The following SNX29 variants were observed in gnomAD, a reference collection of about 807,000 sequenced individuals.
The protein encoded by SNX29 is sorting nexin 29.
SNX29 carries 78 observed loss-of-function variants against 102.1 expected under a neutral mutation model. The ratio of observed to expected loss-of-function variants is 0.76; its 90% CI spans 0.64 to 0.92. SNX29 has a LOEUF of 0.92. Ranked by LOEUF, SNX29 falls within the 40% of genes least tolerant of loss-of-function variation. The probability of loss-of-function intolerance (pLI) is 0.00; values close to 1 mark genes in which losing one functional copy is unlikely to be tolerated. For synonymous variants in SNX29, 580 were observed against 414.5 expected, an observed-to-expected ratio of 1.40 and a Z score of -4.85; for missense variants, 1,280 against 1,061.7, an observed-to-expected ratio of 1.21 and a Z score of -2.86.
chr16:12,144,128 A>C (rs2054965220), intron 13 of SNX29, among the ~76,000 whole-genome samples: 1 of 152,172 alleles, frequency 6.6e-6, no homozygotes, highest in Admixed American at 6.5e-5. Context: ...CCTAGACCAC[A>C]CATTTTAAGT....
rs562175898 is a variant in SNX29 at position 12,051,070 on chromosome 16, A to G, written c.749-777A>G. Among the ~76,000 whole-genome samples the G allele has an allele frequency of 1.2e-3, 186 of 152,242 alleles. 1 individual carries two copies. Among genetic ancestry groups the G allele is most frequent in the African/African-American group, 4.3e-3 (180 of 41,562 alleles). On this transcript the variant is annotated intron_variant, in intron 7 of 20. Transcript: ENST00000566228. ...AAGCAGGGCATGGTGGCTCATGCCT[A>G]TAATCCCAGCAATTTAGGAGGCTGA...
At chr16:12,304,255 T>C (rs1014329048) in intron 15 of SNX29, among the ~76,000 whole-genome samples, 3 of 152,076 alleles carry the variant, frequency 2.0e-5, no homozygotes, top group Non-Finnish European at 2.9e-5. Context: ...GTGGAGACCT[T>C]GTGGCATGTG....
At chr16:12,411,505 T>C (rs547461077) in intron 18 of SNX29, among the ~76,000 whole-genome samples, 26 of 152,358 alleles carry the variant, frequency 1.7e-4, no homozygotes, top group African/African-American at 5.5e-4. Context: ...GCTGGACATA[T>C]GTGTCACTGC....
rs185490643 is a variant in SNX29, at chr16:12,549,296, A to T, written c.2319-19210A>T. Among the ~76,000 whole-genome samples the T allele has an allele frequency of 1.2e-3, 182 of 152,174 alleles. 1 individual carries two copies. Among genetic ancestry groups the T allele is most frequent in the African/African-American group, 4.4e-3 (181 of 41,514 alleles). ...GATCACTCAGGGTCAGAAGTTGGAA[A>T]CCAGCCTGGTCAATATGACAAAACC... is the stretch of plus-strand genomic sequence containing the variant. On this transcript the variant is annotated intron_variant, in intron 20 of 20. Coordinates refer to ENST00000566228, the MANE Select transcript of SNX29 (RefSeq NM_032167.5).
intron 14 of SNX29, among the ~76,000 whole-genome samples, chr16:12,276,294 C>G (rs1846071685): frequency 2.0e-5 from 3 of 152,140 alleles, no homozygotes. Context: ...CTTTCCATAA[C>G]TGTTTGGGGT....
At chr16:12,360,840 T>C (rs1421773125) in intron 16 of SNX29, among the ~76,000 whole-genome samples, 1 of 152,196 alleles carries the variant, frequency 6.6e-6, no homozygotes, top group Non-Finnish European at 1.5e-5. Flanking sequence ...GGAGGTGATA[T>C]CATCTCCATT....
At chr16:12,167,478 C>T (rs1399806816) in intron 13 of SNX29, among the ~76,000 whole-genome samples, 1 of 152,120 alleles carries the variant, frequency 6.6e-6, no homozygotes, top group East Asian at 1.9e-4. Flanking sequence ...GACTTCTCCA[C>T]CCACCACCAC....
chr16:12,550,277 C>T (rs1003329635), intron 20 of SNX29, among the ~76,000 whole-genome samples: 9 of 151,702 alleles, frequency 5.9e-5, no homozygotes, highest in Non-Finnish European at 1.0e-4. Context: ...AGGCTTATAC[C>T]TGTAATCCCA....
intron 14 of SNX29, among the ~76,000 whole-genome samples, chr16:12,262,491 A>G (rs1188382671): frequency 6.6e-6 from 1 of 152,242 alleles, no homozygotes; most frequent in Non-Finnish European, 1.5e-5. Context: ...TGGGATCAAT[A>G]AAAGGCTGGT....
intron 13 of SNX29, among the ~76,000 whole-genome samples, chr16:12,149,017 A>G: frequency 6.6e-6 from 1 of 152,280 alleles, no homozygotes; most frequent in South Asian, 2.1e-4. Flanking sequence ...TCGTCTCATT[A>G]GTTCACCGAT....
intron 20 of SNX29, among the ~76,000 whole-genome samples, chr16:12,529,893 G>A (rs966926340): frequency 1.3e-5 from 2 of 152,142 alleles, no homozygotes; most frequent in Non-Finnish European, 2.9e-5. Context: ...TTGTTTTGTG[G>A]ACTGGCCAGA....
intron 3 of SNX29, among the ~76,000 whole-genome samples, chr16:12,013,941 G>A (rs1280255514): frequency 6.6e-6 from 1 of 151,834 alleles, no homozygotes. Flanking sequence ...ATAAGCCACC[G>A]TGCCTGGCCT....
rs990968707 is a variant in SNX29, at chr16:12,417,371, T to C, written c.2037+13842T>C. Among the ~76,000 whole-genome samples, 14 of 152,294 alleles carry C rather than the reference T, an allele frequency of 9.2e-5. No individual in the cohort carries two copies. In the East Asian group the frequency reaches 1.5e-3, roughly 17 times the overall value. On this transcript the variant is annotated intron_variant, in intron 18 of 20. Coordinates refer to ENST00000566228, the MANE Select transcript of SNX29 (RefSeq NM_032167.5). The stretch of plus-strand genomic sequence containing the variant: ...AGGTGTCTTTCCTTGTTTCAGGCTG[T>C]CTGGCTCACCTGGTCTCCCAGCATC...
intron 16 of SNX29, among the ~76,000 whole-genome samples, chr16:12,388,322 A>C (rs2083405823): frequency 6.6e-6 from 1 of 152,208 alleles, no homozygotes; most frequent in Non-Finnish European, 1.5e-5. Flanking sequence ...GGTTACTCAA[A>C]GAATTACATG....
intron 20 of SNX29, among the ~76,000 whole-genome samples, chr16:12,566,131 G>T (rs886551048): frequency 6.6e-6 from 1 of 152,234 alleles, no homozygotes; most frequent in African/African-American, 2.4e-5. Flanking sequence ...AAGGCTCAGA[G>T]GGCAGGCATT....
At chr16:12,154,634 C>T (rs913416249) in intron 13 of SNX29, among the ~76,000 whole-genome samples, 5 of 152,184 alleles carry the variant, frequency 3.3e-5, no homozygotes, top group African/African-American at 1.2e-4. Context: ...TCCATCCGGG[C>T]TACTATAACA....
intron 13 of SNX29, among the ~76,000 whole-genome samples, chr16:12,180,530 C>G (rs1256394506): frequency 6.6e-6 from 1 of 151,876 alleles, no homozygotes; most frequent in African/African-American, 2.4e-5. Context: ...GTCGCCCAGG[C>G]TGGAGTGCAG....
Position 12,096,720 on chromosome 16 carries a change from G to A in SNX29, c.1402+17805G>A, listed in dbSNP as rs1394269956. Among the ~76,000 whole-genome samples the A allele has an allele frequency of 1.3e-5, 2 of 152,212 alleles. No homozygotes were observed. The highest frequency in any genetic ancestry group is 2.4e-5 in the African/African-American group (1 of 41,444). On this transcript the variant is annotated intron_variant, in intron 11 of 20. Transcript: ENST00000566228. The surrounding 1 kb of genome is among the most constrained non-coding windows in gnomAD (Gnocchi z 4.2). ...AACAACCGCCACTCGATCCACCCATGGGAACGAGTTCCCCGTGAAGTGGGA... is the reference window on the plus strand; with the variant it reads ...AACAACCGCCACTCGATCCACCCATAGGAACGAGTTCCCCGTGAAGTGGGA...
At position 12,377,767 on chromosome 16, in the gene SNX29, C is replaced by A. The variant is rs571417744; in HGVS notation, c.1900-20679C>A. ...TGTCTTCCTGAGCCACTCATTTAGC[C>A]CATGTGTGTTGAGTTTTTCAGTTTC... On this transcript the variant is annotated intron_variant, in intron 16 of 20. Transcript: ENST00000566228. Among the ~76,000 whole-genome samples the A allele has an allele frequency of 6.6e-5, 10 of 152,222 alleles. No homozygotes were observed. The East Asian group carries it at 1.9e-3, about 29-fold the overall frequency.
Sources: allele counts gnomAD v4.1 joint callset (sites outside exome capture counted in the v4.1 genomes callset), GRCh38; gene constraint gnomAD v4.1.1; non-coding constraint Gnocchi (gnomAD v3.1); transcripts MANE v1.5; gene names NCBI Gene and HGNC (gene_info 2026-07-23, HGNC 2026-07-21).